FXYD1: variants seen among roughly 807,000 people sequenced by gnomAD.
FXYD1 encodes phospholemman.
A neutral mutation model predicts 17.2 loss-of-function variants in FXYD1; 9 were observed. That is an observed-to-expected ratio of 0.52 (90% CI 0.32 to 0.91). The LOEUF (loss-of-function observed/expected upper bound fraction) is 0.91. Among genes scored for constraint, FXYD1 ranks in the 40% least tolerant of loss-of-function variants. The pLI, the probability that FXYD1 is intolerant of heterozygous loss-of-function variation, is 0.04. For synonymous variants in FXYD1, 55 were observed against 45.8 expected, an observed-to-expected ratio of 1.20 and a Z score of -0.81; for missense variants, 113 against 120.6, an observed-to-expected ratio of 0.94 and a Z score of 0.29.
In FXYD1 at chr19:35,140,388, C is replaced by T. The variant is rs185699200; in HGVS notation, c.62-209C>T. 3.3e-4 allele frequency among the ~76,000 whole-genome samples: 50 copies of T among 152,162 alleles called. 2 individuals are homozygous for T. Among genetic ancestry groups the T allele is most frequent in the Admixed American group, 3.0e-3 (46 of 15,290 alleles). On this transcript the variant is annotated intron_variant, in intron 2 of 7. Coordinates refer to ENST00000351325, the MANE Select transcript of FXYD1 (RefSeq NM_021902.4). ...GATAACTGGGTCACAGACAGCCTGC[C>T]GTGAGTCAGGGAGCTGGGGCAGTTA...
rs1312108439 is a variant in FXYD1 at position 35,141,168 on chromosome 19, C to T, written c.131C>T (p.Ala44Val). Residue 44 changes from alanine to valine, a missense_variant, in exon 4 of 8, where the codon GCC becomes GTC. By Grantham distance (64) the Ala-to-Val change is moderately conservative. Coordinates refer to ENST00000351325, the MANE Select transcript of FXYD1 (RefSeq NM_021902.4). The stretch of plus-strand genomic sequence containing the variant: ...CTGCAGATCGGAGGCCTCGTCATCG[C>T]CGGGATCCTCTTCATCCTGGGCATC... ...QSLQIGGLVIAGILFILGILI... is the reference protein window; with the variant it reads ...QSLQIGGLVIVGILFILGILI... The T allele has an allele frequency of 6.8e-6, 11 of 1,611,516 alleles. No individual in the cohort carries two copies. The highest frequency in any genetic ancestry group is 1.1e-5 in the South Asian group (1 of 91,028).
Position 35,141,190 on chromosome 19 carries a change from C to A in FXYD1, c.153C>A (p.Gly51=), listed in dbSNP as rs763730361. Residue 51 remains glycine (G), a synonymous_variant, in exon 4 of 8, where the codon GGC becomes GGA. Coordinates refer to ENST00000351325, the MANE Select transcript of FXYD1 (RefSeq NM_021902.4). ...LVIAGILFIL[G]ILIVLSRRCR... is the part of the protein sequence containing the mutation. ...TCGCCGGGATCCTCTTCATCCTGGG[C>A]ATCCTCATCGTGCTGAGTGAGTGCC... 3 of 1,606,286 alleles carry A rather than the reference C, an allele frequency of 1.9e-6. No homozygotes were observed. The highest frequency in any genetic ancestry group is 1.1e-5 in the South Asian group (1 of 90,930).
Position 35,142,700 on chromosome 19 carries a change from G to T in FXYD1, c.257-20G>T. ...GGGATGCCTCTCCAGAATGACCCCC[G>T]ATCTCCGTGTTCCCCCCAGGTCTGT... On this transcript the variant is annotated intron_variant, in intron 6 of 7. Coordinates refer to ENST00000351325, the MANE Select transcript of FXYD1 (RefSeq NM_021902.4). 1.2e-6 allele frequency: 2 copies of T among 1,613,308 alleles called. No individual in the cohort carries two copies. Among genetic ancestry groups the T allele is most frequent in the Non-Finnish European group, 1.7e-6 (2 of 1,179,518 alleles).
intron 4 of FXYD1, 158 bp downstream of exon 4, chr19:35,141,364 C>T: frequency 1.5e-6 from 1 of 665,700 alleles, no homozygotes; most frequent in Non-Finnish European, 2.6e-6. Context: ...GCCCCAACCC[C>T]TCCCAGGCCT....
chr19:35,140,000 GA>G, intron 1 of FXYD1, 75 bp from the exon 2 acceptor site: 1 of 1,282,578 alleles, frequency 7.8e-7, no homozygotes, highest in Non-Finnish European at 1.1e-6. Flanking sequence ...GACTGTCTCT[GA>G]CTTAATCCCT....
At chr19:35,142,279 G>T (rs2065263550) in intron 5 of FXYD1, 193 bp from the exon 6 acceptor site, 6 of 542,354 alleles carry the variant, frequency 1.1e-5, no homozygotes, top group South Asian at 2.6e-5. Context: ...CTGTTAACCA[G>T]CTTAGAAGCC....
chr19:35,140,837 T>C, intron 3 of FXYD1: 1 of 597,042 alleles, frequency 1.7e-6, no homozygotes, highest in Non-Finnish European at 3.0e-6. Flanking sequence ...CCTCTCTGGT[T>C]CTCTTTCTCT....
In FXYD1 at chr19:35,141,184, C is replaced by G; in HGVS notation, c.147C>G (p.Ile49Met). ...GGLVIAGILF[I>M]LGILIVLSRR... ...TCGTCATCGCCGGGATCCTCTTCAT[C>G]CTGGGCATCCTCATCGTGCTGAGTG... The change falls in exon 4 of 8, where the codon ATC becomes ATG. Residue 49 changes from isoleucine to methionine, a missense_variant. Transcript: ENST00000351325. 1.2e-6 allele frequency: 2 copies of G among 1,608,390 alleles called. No individual in the cohort carries two copies. Among genetic ancestry groups the G allele is most frequent in the Non-Finnish European group, 8.5e-7 (1 of 1,175,564 alleles).
chr19:35,140,634 G>A lies in FXYD1; in HGVS notation c.94+5G>A. ...AACACGACCCGTTCACTTACGGTGA[G>A]CGGGGGGTCTAATTTTGAGTCCTGG... On this transcript the variant is annotated splice_donor_5th_base_variant and intron_variant, in intron 3 of 7. Coordinates refer to ENST00000351325, the MANE Select transcript of FXYD1 (RefSeq NM_021902.4). The A allele has an allele frequency of 6.2e-7, 1 of 1,612,948 alleles. No individual in the cohort carries two copies. Among genetic ancestry groups the A allele is most frequent in the South Asian group, 1.1e-5 (1 of 91,036 alleles).
chr19:35,140,084 C>T lies in FXYD1; in HGVS notation c.5C>T (p.Ala2Val), dbSNP rs145355699. Residue 2 changes from alanine to valine, a missense_variant, in exon 2 of 8, where the codon GCG (alanine) becomes GTG (valine). Ala to Val is a moderately conservative substitution (Grantham distance 64). Transcript: ENST00000351325. ...CGTGGTGTCCCCCCCAGGACAATGG[C>T]GTCTCTTGGCCACATCTTGGTTTTC... M[A>V]SLGHILVFCV... The T allele has an allele frequency of 3.7e-6, 6 of 1,612,654 alleles. No homozygotes were observed. The highest frequency in any genetic ancestry group is 1.7e-5 in the Admixed American group (1 of 59,998).
chr19:35,142,497 G>A lies in FXYD1; in HGVS notation c.232G>A (p.Gly78Arg). ...QRTGEPDEEE[G>R]TFRSSIRRLS... Reference sequence around the variant, plus strand: ...GACTGGGGAACCCGATGAAGAGGAGGGAACTTTCCGCAGCTCCATCCGCCG... The same window carrying A: ...GACTGGGGAACCCGATGAAGAGGAGAGAACTTTCCGCAGCTCCATCCGCCG... The change falls in exon 6 of 8, where the codon GGA becomes AGA. Residue 78 changes from glycine (G) to arginine (R), a missense_variant. Physicochemically the swap from Gly to Arg is moderately radical, Grantham distance 125 (BLOSUM62 -2). Coordinates refer to ENST00000351325, the MANE Select transcript of FXYD1 (RefSeq NM_021902.4). 2 of 1,613,236 alleles carry A rather than the reference G, an allele frequency of 1.2e-6. No individual in the cohort carries two copies. Among genetic ancestry groups the A allele is most frequent in the Non-Finnish European group, 1.7e-6 (2 of 1,179,424 alleles).
intron 2 of FXYD1, among the ~76,000 whole-genome samples, chr19:35,140,355 C>A (rs1472817380): frequency 6.6e-6 from 1 of 152,006 alleles, no homozygotes; most frequent in East Asian, 1.9e-4. Flanking sequence ...GGGCTGAATC[C>A]CCGATGGGAT....
intron 1 of FXYD1, 60 bp from the exon 2 acceptor site, chr19:35,140,016 T>G: frequency 6.8e-7 from 1 of 1,467,622 alleles, no homozygotes; most frequent in Non-Finnish European, 9.6e-7. Context: ...ATCCCTTGGG[T>G]TCAAGCCCTA....
chr19:35,142,268 A>C (rs1358366308), intron 5 of FXYD1: 5 of 471,088 alleles, frequency 1.1e-5, no homozygotes, highest in Non-Finnish European at 1.5e-5. Context: ...GGAGGTACTC[A>C]CTGTTAACCA....
At chr19:35,139,857 CGTTGTGTT>C (rs902309042) in intron 1 of FXYD1, 29 of 531,728 alleles carry the variant, frequency 5.5e-5, no homozygotes, top group African/African-American at 5.3e-4. Context: ...GTCCCTGCTA[CGTTGTGTT>C]GTTGTGTGAT....
rs77100923 is a variant in FXYD1 at position 35,140,490 on chromosome 19, C to A, written c.62-107C>A. 3,912 of 1,005,002 alleles carry A rather than the reference C, an allele frequency of 3.9e-3. 90 individuals carry two copies. In the African/African-American group the frequency reaches 0.049, roughly 13 times the overall value. 62.3% of individuals were successfully genotyped at this position (1,005,002 alleles called of 1,614,324 possible). On this transcript the variant is annotated intron_variant, in intron 2 of 7. Coordinates refer to ENST00000351325, the MANE Select transcript of FXYD1 (RefSeq NM_021902.4). ...AGAGTGTGGGCAGCCTGCCCAGACA[C>A]CCTCAGACTCTAAGCCCAGCAAGGC...
chr19:35,139,103 G>A (rs529320802), intron 1 of FXYD1: 1 of 152,500 alleles, frequency 6.6e-6, no homozygotes, highest in African/African-American at 2.4e-5. Context: ...AGGGTGTGGA[G>A]TTGGGACACA....
intron 1 of FXYD1, 176 bp from the exon 2 acceptor site, chr19:35,139,900 A>G (rs976379942): frequency 1.7e-6 from 1 of 594,010 alleles, no homozygotes; most frequent in Admixed American, 2.7e-5. Context: ...TGTTTTGGTG[A>G]CACTGTGTCC....
At chr19:35,139,770 A>G (rs2065233538) in intron 1 of FXYD1, 2 of 341,098 alleles carry the variant, frequency 5.9e-6, no homozygotes, top group Admixed American at 8.2e-5. Flanking sequence ...CTGCCAGGGT[A>G]GGTCTGGGAA....
Sources: allele counts gnomAD v4.1 joint callset (sites outside exome capture counted in the v4.1 genomes callset), GRCh38; gene constraint gnomAD v4.1.1; transcripts MANE v1.5; gene names NCBI Gene and HGNC (gene_info 2026-07-23, HGNC 2026-07-21).